WDFY1: variants seen among roughly 807,000 people sequenced by gnomAD.
WDFY1 encodes WD repeat and FYVE domain-containing protein 1.
Under a neutral mutation model 56.4 loss-of-function variants are expected in WDFY1, and 32 were observed. That is an observed-to-expected ratio of 0.57 (90% CI 0.43 to 0.76). WDFY1 has a LOEUF of 0.76. Ranked by LOEUF, WDFY1 falls within the 30% of genes least tolerant of loss-of-function variation. WDFY1 has a pLI of 0.00. For synonymous variants in WDFY1, 192 were observed against 197.3 expected (o/e 0.97, Z 0.23); for missense variants, 480 against 545.7 (o/e 0.88, Z 1.20).
At chr2:223,890,023 T>C (rs1693241577) in intron 8 of WDFY1, among the ~76,000 whole-genome samples, 1 of 152,182 alleles carries the variant, frequency 6.6e-6, no homozygotes, top group Non-Finnish European at 1.5e-5. Context: ...CCAGCCTGCC[T>C]CTCTCTGTGT....
chr2:223,877,144 C>G lies in WDFY1; in HGVS notation c.*1527G>C, dbSNP rs981006396. The stretch of plus-strand genomic sequence containing the variant: ...TGCGTGACCCCCTTTCCTTTCCTTA[C>G]GTGTGTCACACAGCCATTAAGACAT... On this transcript the variant is annotated 3_prime_UTR_variant, in exon 12 of 12. Transcript: ENST00000233055. 1 of 152,158 alleles carries G rather than the reference C, an allele frequency of 6.6e-6. No individual in the cohort carries two copies. The highest frequency in any genetic ancestry group is 1.5e-5 in the Non-Finnish European group (1 of 68,036). 9.4% of individuals were successfully genotyped at this position (152,158 alleles called of 1,614,324 possible). A position where few individuals can be genotyped will look rare whatever the true frequency, so the allele number is the denominator to read the frequency against.
At chr2:223,888,160 C>T (rs143127686) in intron 8 of WDFY1, among the ~76,000 whole-genome samples, 1 of 152,130 alleles carries the variant, frequency 6.6e-6, no homozygotes, top group Admixed American at 6.5e-5. Flanking sequence ...TGGCTCACTG[C>T]AGCCTCAACC....
intron 8 of WDFY1, among the ~76,000 whole-genome samples, chr2:223,888,296 G>A (rs1693206687): frequency 6.6e-6 from 1 of 151,954 alleles, no homozygotes; most frequent in African/African-American, 2.4e-5. Flanking sequence ...CTGAACTCCT[G>A]GGCTCAAGTG....
At chr2:223,930,520 G>A (rs866694367) in intron 1 of WDFY1, among the ~76,000 whole-genome samples, 1 of 152,196 alleles carries the variant, frequency 6.6e-6, no homozygotes, top group Non-Finnish European at 1.5e-5. Context: ...TAGTAGAGAC[G>A]GGGTTTCACC....
intron 4 of WDFY1, among the ~76,000 whole-genome samples, chr2:223,903,348 C>T (rs1311466823): frequency 6.6e-6 from 1 of 151,794 alleles, no homozygotes; most frequent in African/African-American, 2.4e-5. Flanking sequence ...ATGGTGAAAC[C>T]CCTTCTCTAC....
chr2:223,896,165 A>AAAAAAAAAAC (rs1358825641), intron 6 of WDFY1, among the ~76,000 whole-genome samples: 1 of 143,242 alleles, frequency 7.0e-6, no homozygotes, highest in African/African-American at 2.8e-5. Flanking sequence ...CAAAAAAAAA[A>AAAAAAAAAAC]AAAAAAAAAA....
intron 1 of WDFY1, among the ~76,000 whole-genome samples, chr2:223,918,768 CTG>C (rs946529322): frequency 1.3e-5 from 2 of 152,170 alleles, no homozygotes; most frequent in African/African-American, 4.8e-5. Flanking sequence ...AAGGCGGTGG[CTG>C]TGAGTGGGAA....
intron 1 of WDFY1, among the ~76,000 whole-genome samples, chr2:223,940,145 C>A (rs1160775357): frequency 6.6e-6 from 1 of 152,144 alleles, no homozygotes; most frequent in Non-Finnish European, 1.5e-5. Context: ...ACGGTGAAAC[C>A]CTGTCTCTAC....
intron 1 of WDFY1, among the ~76,000 whole-genome samples, chr2:223,935,441 C>T (rs1011120988): frequency 1.3e-5 from 2 of 152,166 alleles, no homozygotes; most frequent in Non-Finnish European, 2.9e-5. Context: ...TATATATGTG[C>T]TAATAATGTC....
At chr2:223,920,916 C>G (rs1693875741) in intron 1 of WDFY1, among the ~76,000 whole-genome samples, 1 of 152,178 alleles carries the variant, frequency 6.6e-6, no homozygotes, top group South Asian at 2.1e-4. Flanking sequence ...GACTGCGGAC[C>G]AGTGGGCCTG....
intron 10 of WDFY1, among the ~76,000 whole-genome samples, chr2:223,881,046 T>C (rs1274538717): frequency 1.3e-5 from 2 of 152,192 alleles, no homozygotes; most frequent in African/African-American, 4.8e-5. Flanking sequence ...CCTCTGCTGC[T>C]TTAAAAGATG....
Position 223,919,887 on chromosome 2 carries a change from C to A in WDFY1, c.138-1877G>T, listed in dbSNP as rs145389748. 5.5e-3 allele frequency among the ~76,000 whole-genome samples: 838 copies of A among 152,300 alleles called. 6 individuals are homozygous for A. The highest frequency in any genetic ancestry group is 0.019 in the African/African-American group (788 of 41,556). On this transcript the variant is annotated intron_variant, in intron 1 of 11. Coordinates refer to ENST00000233055, the MANE Select transcript of WDFY1 (RefSeq NM_020830.5). Reference sequence around the variant, plus strand: ...TGACCCTTGAGACCAGGGAGACCCTCACACACCCTGACCATAGCACTTCCC... The same window carrying A: ...TGACCCTTGAGACCAGGGAGACCCTAACACACCCTGACCATAGCACTTCCC...
At chr2:223,897,386 A>AT (rs1321548675) in intron 6 of WDFY1, among the ~76,000 whole-genome samples, 4 of 124,178 alleles carry the variant, frequency 3.2e-5, no homozygotes, top group African/African-American at 1.2e-4. Flanking sequence ...ATATATATAT[A>AT]TATATTTTTT....
rs1338712059 is a variant in WDFY1, at chr2:223,875,704, T to A, written c.*2967A>T. The stretch of plus-strand genomic sequence containing the variant: ...AACAATTAAGCAATAGACACTTGAA[T>A]AAATATAGCATGTATTACTTATTTG... On this transcript the variant is annotated 3_prime_UTR_variant, in exon 12 of 12. Coordinates refer to ENST00000233055, the MANE Select transcript of WDFY1 (RefSeq NM_020830.5). 6.6e-6 allele frequency: 1 copy of A among 152,240 alleles called. No individual in the cohort carries two copies. Among genetic ancestry groups the A allele is most frequent in the African/African-American group, 2.4e-5 (1 of 41,464 alleles). The allele number at this position is 152,240 out of a possible 1,614,324, so 9.4% of individuals were successfully genotyped here. A position where few individuals can be genotyped will look rare whatever the true frequency, so the allele number is the denominator to read the frequency against.
At chr2:223,939,230 C>T (rs889751953) in intron 1 of WDFY1, among the ~76,000 whole-genome samples, 6 of 152,124 alleles carry the variant, frequency 3.9e-5, no homozygotes, top group African/African-American at 1.4e-4. Context: ...GGTCCAGCAA[C>T]CCGAATTTCA....
chr2:223,928,054 GCA>G (rs1219202659), intron 1 of WDFY1, among the ~76,000 whole-genome samples: 1 of 152,098 alleles, frequency 6.6e-6, no homozygotes, highest in Non-Finnish European at 1.5e-5. Flanking sequence ...TCTTATGTGG[GCA>G]CAGTTTGTGG....
At chr2:223,923,765 AAAAAAAAT>A (rs1169147823) in intron 1 of WDFY1, among the ~76,000 whole-genome samples, 1 of 151,952 alleles carries the variant, frequency 6.6e-6, no homozygotes, top group Non-Finnish European at 1.5e-5. Flanking sequence ...CGTCTCAAAA[AAAAAAAAT>A]AAATAAATAA....
chr2:223,913,818 A>G (rs1407602702), intron 2 of WDFY1, among the ~76,000 whole-genome samples: 2 of 152,092 alleles, frequency 1.3e-5, no homozygotes, highest in African/African-American at 2.4e-5. Context: ...CTAGACAACT[A>G]TAACATTTCA....
intron 10 of WDFY1, among the ~76,000 whole-genome samples, chr2:223,881,737 G>A (rs185526179): frequency 6.6e-6 from 1 of 152,184 alleles, no homozygotes; most frequent in African/African-American, 2.4e-5. Context: ...GCAGTGGGCC[G>A]AGATCACGCC....
Sources: gnomAD v4.1 joint callset for allele counts (sites outside exome capture counted in the v4.1 genomes callset) on GRCh38, gnomAD v4.1.1 for gene constraint, MANE v1.5 for transcripts, NCBI Gene and HGNC (gene_info 2026-07-23, HGNC 2026-07-21) for gene names.